Variants in SGCD observed in about 807,000 individuals in gnomAD.
SGCD encodes sarcoglycan delta, also known as delta-sarcoglycan.
SGCD carries 18 observed loss-of-function variants against 36.6 expected under a neutral mutation model. The ratio of observed to expected loss-of-function variants is 0.49; its 90% CI spans 0.34 to 0.73. The LOEUF (loss-of-function observed/expected upper bound fraction) is 0.73, where lower values mean the gene tolerates loss of function less well. Ranked by LOEUF, SGCD falls within the 30% of genes least tolerant of loss-of-function variation. The pLI, the probability that SGCD is intolerant of heterozygous loss-of-function variation, is 0.01. For synonymous variants in SGCD, 133 were observed against 130.6 expected, an observed-to-expected ratio of 1.02 and a Z score of -0.12; for missense variants, 387 against 346.7, an observed-to-expected ratio of 1.12 and a Z score of -0.92.
chr5:156,093,227 G>T (rs1024209377), intron 1 of SGCD, among the ~76,000 whole-genome samples: 1 of 152,166 alleles, frequency 6.6e-6, no homozygotes, highest in Admixed American at 6.5e-5. Flanking sequence ...CCAGAGTCAT[G>T]TGCTGGTTTC....
chr5:155,940,335 A>G (rs571666403), intron 1 of SGCD, among the ~76,000 whole-genome samples: 1 of 152,018 alleles, frequency 6.6e-6, no homozygotes, highest in South Asian at 2.1e-4. Context: ...TACCTTCTAA[A>G]TTATGGTTGT....
chr5:156,682,729 G>T (rs1287459820), intron 7 of SGCD, among the ~76,000 whole-genome samples: 1 of 152,204 alleles, frequency 6.6e-6, no homozygotes. Flanking sequence ...CAGGGGCTGG[G>T]TTCTTCAGGC....
intron 3 of SGCD, among the ~76,000 whole-genome samples, chr5:156,248,925 C>T (rs1262548384): frequency 6.6e-6 from 1 of 152,050 alleles, no homozygotes; most frequent in East Asian, 1.9e-4. Flanking sequence ...GCTTGTGTGA[C>T]CAAATGGAAT....
intron 4 of SGCD, among the ~76,000 whole-genome samples, chr5:156,582,575 A>G (rs1469066854): frequency 1.3e-5 from 2 of 152,254 alleles, no homozygotes; most frequent in Non-Finnish European, 2.9e-5. Flanking sequence ...TTCTTAGCCA[A>G]GGCATCCCAG....
intron 3 of SGCD, among the ~76,000 whole-genome samples, chr5:156,346,105 G>T (rs1479525165): frequency 6.6e-6 from 1 of 151,908 alleles, no homozygotes; most frequent in Non-Finnish European, 1.5e-5. Flanking sequence ...TCATGCTAGG[G>T]CTTCTTGGTG....
chr5:156,243,128 G>A (rs1463695836), intron 3 of SGCD, among the ~76,000 whole-genome samples: 1 of 152,204 alleles, frequency 6.6e-6, no homozygotes, highest in Non-Finnish European at 1.5e-5. Context: ...CACACAAGGT[G>A]ATGAGCATAT....
intron 4 of SGCD, among the ~76,000 whole-genome samples, chr5:156,585,716 G>T (rs1332742458): frequency 1.3e-5 from 2 of 152,098 alleles, no homozygotes; most frequent in African/African-American, 2.4e-5. Context: ...GTATAAGGGA[G>T]AATTTTCTAA....
the SGCD span, among the ~76,000 whole-genome samples, chr5:155,862,495 T>G: frequency 6.5e-4 from 99 of 152,108 alleles, 1 homozygote; most frequent in East Asian, 0.019. Flanking sequence ...CCTGGCTAGT[T>G]TTTTATTTTA....
At chr5:156,624,951 C>A (rs1195599596) in intron 6 of SGCD, among the ~76,000 whole-genome samples, 1 of 152,192 alleles carries the variant, frequency 6.6e-6, no homozygotes, top group Non-Finnish European at 1.5e-5. Flanking sequence ...GATACCTGCA[C>A]ATTTGCCTCT....
At chr5:156,428,700 C>T (rs1773782950) in intron 3 of SGCD, among the ~76,000 whole-genome samples, 2 of 152,066 alleles carry the variant, frequency 1.3e-5, no homozygotes, top group South Asian at 2.1e-4. Context: ...CTTAGCACTG[C>T]TTTTGCTGTA....
At chr5:156,471,311 T>C (rs547965237) in intron 3 of SGCD, among the ~76,000 whole-genome samples, 21 of 152,248 alleles carry the variant, frequency 1.4e-4, no homozygotes, top group Admixed American at 7.9e-4. Flanking sequence ...TTTCTGAAAT[T>C]TATGTAAAAA....
the SGCD span, among the ~76,000 whole-genome samples, chr5:155,838,776 A>C: frequency 4.8e-5 from 1 of 20,632 alleles, no homozygotes; most frequent in Non-Finnish European, 1.1e-4. Context: ...AGAGATTTGC[A>C]AAAAAAAAAA....
chr5:156,241,251 C>CGTGTGTGTGTGTGTGT (rs60843726), intron 3 of SGCD, among the ~76,000 whole-genome samples: 18 of 145,178 alleles, frequency 1.2e-4, no homozygotes, highest in African/African-American at 3.6e-4. Flanking sequence ...TAGACCAAAA[C>CGTGTGTGTGTGTGTGT]GTGTGTGTGT....
Position 156,589,213 on chromosome 5 carries a change from C to T in SGCD, c.295-18C>T, listed in dbSNP as rs201143846. The T allele has an allele frequency of 1.3e-6, 2 of 1,497,100 alleles. No homozygotes were observed. Among genetic ancestry groups the T allele is most frequent in the Non-Finnish European group, 1.8e-6 (2 of 1,095,898 alleles). The allele number at this position is 1,497,100 out of a possible 1,614,324, so 92.7% of individuals were successfully genotyped here. Reference sequence around the variant, plus strand: ...AAATCTATCATTTTCATGTCTTTCTCTTATTTTCTTATTGCAGGGTAATGC... The same window carrying T: ...AAATCTATCATTTTCATGTCTTTCTTTTATTTTCTTATTGCAGGGTAATGC... On this transcript the variant is annotated intron_variant, in intron 4 of 8. Transcript: ENST00000337851.
rs747886069 is a variant in SGCD at position 156,508,846 on chromosome 5, C to CT, written c.294+147dup. Reference sequence around the variant, plus strand: ...GATGAATTTGCTTTCTCTTCTGAATCTTTGAGTATCATCACAGCAGTGGTA... The same window carrying CT: ...GATGAATTTGCTTTCTCTTCTGAATCTTTTGAGTATCATCACAGCAGTGGTA... On this transcript the variant is annotated intron_variant, in intron 4 of 8. Transcript: ENST00000337851. 5.3e-4 allele frequency: 285 copies of CT among 542,772 alleles called. 1 individual carries two copies. The highest frequency in any genetic ancestry group is 8.4e-4 in the Non-Finnish European group (258 of 306,794). 33.6% of individuals were successfully genotyped at this position (542,772 alleles called of 1,614,324 possible). A position where few individuals can be genotyped will look rare whatever the true frequency, so the allele number is the denominator to read the frequency against.
Position 156,508,801 on chromosome 5 carries a change from G to A in SGCD, c.294+99G>A, listed in dbSNP as rs537978720. On this transcript the variant is annotated intron_variant, in intron 4 of 8. Coordinates refer to ENST00000337851, the MANE Select transcript of SGCD (RefSeq NM_000337.6). ...CAGCTGAGTACAGAGAATTGGGGTG[G>A]GGAGTAATACTGGTATTAAGATGAA... 6.8e-5 allele frequency: 46 copies of A among 673,798 alleles called. No individual in the cohort carries two copies. The African/African-American group carries it at 8.3e-4, about 12-fold the overall frequency. The allele number at this position is 673,798 out of a possible 1,614,324, so 41.7% of individuals were successfully genotyped here.
At chr5:155,790,092 A>T in the SGCD span, among the ~76,000 whole-genome samples, 1 of 152,066 alleles carries the variant, frequency 6.6e-6, no homozygotes. Flanking sequence ...TGCCTCAATA[A>T]ATTGAAACAA....
At chr5:155,973,049 A>G (rs373169125) in intron 1 of SGCD, among the ~76,000 whole-genome samples, 5 of 152,136 alleles carry the variant, frequency 3.3e-5, no homozygotes, top group African/African-American at 1.2e-4. Context: ...TGTTATATAG[A>G]CAAATGTGTC....
At chr5:155,785,496 T>C in the SGCD span, among the ~76,000 whole-genome samples, 1 of 152,118 alleles carries the variant, frequency 6.6e-6, no homozygotes, top group Non-Finnish European at 1.5e-5. Context: ...TGCCGTGTAA[T>C]AGGACACCAG....
Sources: gnomAD v4.1 joint callset for allele counts (sites outside exome capture counted in the v4.1 genomes callset) on GRCh38, gnomAD v4.1.1 for gene constraint, MANE v1.5 for transcripts, NCBI Gene and HGNC (gene_info 2026-07-23, HGNC 2026-07-21) for gene names.